Variants in NTRK2 observed in about 807,000 individuals in gnomAD.
The protein encoded by NTRK2 is BDNF/NT-3 growth factors receptor.
NTRK2 carries 13 observed loss-of-function variants against 94.5 expected under a neutral mutation model. That is an observed-to-expected ratio of 0.14 (90% confidence interval 0.09 to 0.22). The LOEUF (loss-of-function observed/expected upper bound fraction) is 0.22. Ranked by LOEUF, NTRK2 falls within the 10% of genes least tolerant of loss-of-function variation. The pLI, the probability that NTRK2 is intolerant of heterozygous loss-of-function variation, is 1.00. For synonymous variants in NTRK2, 372 were observed against 407.4 expected, an observed-to-expected ratio of 0.91 and a Z score of 1.05; for missense variants, 639 against 1,071.2, an observed-to-expected ratio of 0.60 and a Z score of 5.63.
intron 17 of NTRK2, among the ~76,000 whole-genome samples, chr9:84,986,517 C>A (rs1297443835): frequency 6.6e-6 from 1 of 152,240 alleles, no homozygotes; most frequent in Non-Finnish European, 1.5e-5. Context: ...TCACTCACCT[C>A]CTGCTGTGTG....
At chr9:84,917,621 A>T (rs2077433785) in intron 14 of NTRK2, among the ~76,000 whole-genome samples, 1 of 152,192 alleles carries the variant, frequency 6.6e-6, no homozygotes, top group African/African-American at 2.4e-5. Flanking sequence ...TTCCGTGGTA[A>T]AAAGAGGTCA....
At chr9:84,722,289 G>A (rs1180744584) in intron 6 of NTRK2, among the ~76,000 whole-genome samples, 1 of 151,262 alleles carries the variant, frequency 6.6e-6, no homozygotes, top group Non-Finnish European at 1.5e-5. Context: ...ATCTTATTGG[G>A]GAATCCTCTC....
At chr9:84,711,667 A>T (rs543516109) in intron 6 of NTRK2, among the ~76,000 whole-genome samples, 2 of 152,358 alleles carry the variant, frequency 1.3e-5, no homozygotes, top group South Asian at 4.1e-4. Flanking sequence ...TCTGTGTATT[A>T]ATCACAAACA....
chr9:84,882,499 C>T (rs1006676286), intron 14 of NTRK2, among the ~76,000 whole-genome samples: 3 of 152,258 alleles, frequency 2.0e-5, no homozygotes, highest in Non-Finnish European at 4.4e-5. Flanking sequence ...AGTTACCAGG[C>T]GGTCTTTTAT....
chr9:84,998,261 G>A (rs537570398), intron 17 of NTRK2, among the ~76,000 whole-genome samples: 2 of 152,254 alleles, frequency 1.3e-5, no homozygotes, highest in South Asian at 4.1e-4. Context: ...AGTAGCTCCT[G>A]CTTTTGCTCT....
chr9:84,852,597 A>C (rs561241560), intron 12 of NTRK2, among the ~76,000 whole-genome samples: 1 of 152,322 alleles, frequency 6.6e-6, no homozygotes, highest in African/African-American at 2.4e-5. Flanking sequence ...TACCCAGTGA[A>C]GATTGTGACC....
intron 12 of NTRK2, among the ~76,000 whole-genome samples, chr9:84,786,565 T>C (rs542576677): frequency 6.6e-6 from 1 of 152,230 alleles, no homozygotes; most frequent in African/African-American, 2.4e-5. Flanking sequence ...TTGTTTTCTT[T>C]ATCTCAGTAG....
chr9:84,818,780 G>A (rs2072591599), intron 12 of NTRK2, among the ~76,000 whole-genome samples: 1 of 152,292 alleles, frequency 6.6e-6, no homozygotes. Context: ...CTTGCGAGTG[G>A]AAAGGGCCTG....
intron 17 of NTRK2, among the ~76,000 whole-genome samples, chr9:84,977,260 G>A (rs555558746): frequency 5.3e-5 from 5 of 94,184 alleles, no homozygotes; most frequent in East Asian, 4.6e-4. Context: ...TGAATAAAGT[G>A]TATCTAATAC....
At chr9:84,815,408 T>C (rs2072287893) in intron 12 of NTRK2, 1 of 1,044,162 alleles carries the variant, frequency 9.6e-7, no homozygotes, top group African/African-American at 1.7e-5. Context: ...TATAAACACA[T>C]ACAAAGTAAC....
chr9:84,727,623 G>GA, intron 8 of NTRK2, 31 bp from the exon 9 acceptor site: 4 of 1,605,146 alleles, frequency 2.5e-6, no homozygotes, highest in Non-Finnish European at 3.4e-6. Context: ...TGAGCTTTCT[G>GA]ATGCTATTAA....
rs556858663 is a variant in NTRK2, at chr9:84,881,833, T to C, written c.1633+14402T>C. On this transcript the variant is annotated intron_variant, in intron 14 of 18. Coordinates refer to ENST00000277120, the MANE Select transcript of NTRK2 (RefSeq NM_006180.6). ...TCCTAAGTAATTTGTGTTTTGAGAA[T>C]TCTCCTGTCTGGTTTTGTAACTTGG... Among the ~76,000 whole-genome samples the C allele has an allele frequency of 1.5e-4, 23 of 152,374 alleles. 1 individual carries two copies. The South Asian group carries it at 4.8e-3, about 32-fold the overall frequency.
At chr9:84,883,878 C>T (rs1340784066) in intron 14 of NTRK2, among the ~76,000 whole-genome samples, 1 of 152,190 alleles carries the variant, frequency 6.6e-6, no homozygotes, top group Non-Finnish European at 1.5e-5. Context: ...TTCAAGTTCA[C>T]TAACCTAGTT....
chr9:85,010,660 G>C (rs943720858), intron 17 of NTRK2, among the ~76,000 whole-genome samples: 1 of 152,158 alleles, frequency 6.6e-6, no homozygotes, highest in Admixed American at 6.5e-5. Flanking sequence ...GAGCGGGGCT[G>C]TCAGCAGGAG....
chr9:84,810,658 C>T (rs1214994952), intron 12 of NTRK2: 1 of 1,609,920 alleles, frequency 6.2e-7, no homozygotes, highest in Non-Finnish European at 8.5e-7. Context: ...ACTCCTGGGA[C>T]TGCTGTTGGC....
chr9:84,928,099 T>C (rs2077886908), intron 14 of NTRK2, among the ~76,000 whole-genome samples: 1 of 152,224 alleles, frequency 6.6e-6, no homozygotes, highest in African/African-American at 2.4e-5. Context: ...ATTTAGCCTT[T>C]TCTTGTTCTG....
chr9:84,760,886 A>T (rs2065505238), intron 12 of NTRK2, among the ~76,000 whole-genome samples: 1 of 152,180 alleles, frequency 6.6e-6, no homozygotes, highest in Non-Finnish European at 1.5e-5. Context: ...GATTTATTTT[A>T]AAAAATAGGC....
At chr9:84,694,649 T>A (rs1388036533) in intron 2 of NTRK2, among the ~76,000 whole-genome samples, 1 of 152,196 alleles carries the variant, frequency 6.6e-6, no homozygotes, top group East Asian at 1.9e-4. Flanking sequence ...AAGGGAATTT[T>A]TTTTTTAGAA....
At chr9:85,001,564 C>G (rs1242749304) in intron 17 of NTRK2, among the ~76,000 whole-genome samples, 1 of 151,736 alleles carries the variant, frequency 6.6e-6, no homozygotes, top group Non-Finnish European at 1.5e-5. Context: ...CTCTTGAAGC[C>G]CTTATTTGGT....
Sources: gnomAD v4.1 joint callset for allele counts (sites outside exome capture counted in the v4.1 genomes callset) on GRCh38, gnomAD v4.1.1 for gene constraint, MANE v1.5 for transcripts, NCBI Gene and HGNC (gene_info 2026-07-23, HGNC 2026-07-21) for gene names.